The following TAFA5 variants were observed in gnomAD, a reference collection of about 807,000 sequenced individuals.
TAFA5 encodes the protein chemokine-like protein TAFA-5.
Under a neutral mutation model 15.3 loss-of-function variants are expected in TAFA5, and 6 were observed. The observed-to-expected ratio is 0.39, with a 90% CI of 0.21 to 0.77. The LOEUF (loss-of-function observed/expected upper bound fraction) is 0.77, where lower values mean the gene tolerates loss of function less well. TAFA5 is among the 30% of genes least tolerant of loss of function. The probability of loss-of-function intolerance (pLI) is 0.41; values close to 1 mark genes in which losing one functional copy is unlikely to be tolerated. For missense variants in TAFA5, 161 were observed against 193.1 expected, an observed-to-expected ratio of 0.83 and a Z score of 0.98; for synonymous variants, 103 against 80.7, an observed-to-expected ratio of 1.28 and a Z score of -1.48.
rs147408289 is a variant in TAFA5, at chr22:48,742,981, A to T, written c.391-6858A>T. Among the ~76,000 whole-genome samples, 215 of 152,276 alleles carry T rather than the reference A, an allele frequency of 1.4e-3. No individual in the cohort carries two copies. Among genetic ancestry groups the T allele is most frequent in the African/African-American group, 4.9e-3 (204 of 41,572 alleles). ...CAGCCCAGCCCTGGGACGCAGGCTC[A>T]GCAGCCCCCGGATTCCAGTCAACAT... is the stretch of plus-strand genomic sequence containing the variant. On this transcript the variant is annotated intron_variant, in intron 3 of 3. Coordinates refer to ENST00000402357, the MANE Select transcript of TAFA5 (RefSeq NM_001082967.3). This position sits in a 1 kb window ranked among gnomAD's most constrained non-coding sequence, Gnocchi z 6.2.
At chr22:48,653,157 G>A (rs180687992) in intron 2 of TAFA5, among the ~76,000 whole-genome samples, 51 of 152,308 alleles carry the variant, frequency 3.3e-4, no homozygotes, top group Admixed American at 4.6e-4. Context: ...TGTTATAAAC[G>A]CTTGGCAAGC....
At chr22:48,670,606 G>T (rs1411847594) in intron 2 of TAFA5, among the ~76,000 whole-genome samples, 2 of 152,386 alleles carry the variant, frequency 1.3e-5, no homozygotes, top group Admixed American at 1.3e-4. Flanking sequence ...AGCAGTAGCC[G>T]CGTGGCCTGG....
intron 1 of TAFA5, among the ~76,000 whole-genome samples, chr22:48,553,505 G>T (rs780012102): frequency 2.0e-5 from 3 of 152,200 alleles, no homozygotes; most frequent in Admixed American, 6.5e-5. Flanking sequence ...GGGGAGACCT[G>T]CACCAGGGAC....
intron 1 of TAFA5, among the ~76,000 whole-genome samples, chr22:48,637,404 G>A (rs12484933): frequency 2.0e-5 from 3 of 152,254 alleles, no homozygotes; most frequent in Admixed American, 6.5e-5. Context: ...GTTCGAAAGC[G>A]GTTCCTGCTA....
At chr22:48,546,681 T>TG (rs1457350610) in intron 1 of TAFA5, 5 of 451,196 alleles carry the variant, frequency 1.1e-5, no homozygotes, top group Non-Finnish European at 1.9e-5. Flanking sequence ...GTCCGCAGGA[T>TG]GGGGGGCTCA....
At chr22:48,541,548 G>T (rs1922373980) in intron 1 of TAFA5, among the ~76,000 whole-genome samples, 1 of 152,196 alleles carries the variant, frequency 6.6e-6, no homozygotes, top group Admixed American at 6.5e-5. Flanking sequence ...GGTGTGAGGA[G>T]CCCAGGCACA....
intron 1 of TAFA5, chr22:48,546,532 C>A: frequency 2.1e-6 from 1 of 471,154 alleles, no homozygotes; most frequent in Non-Finnish European, 4.4e-6. Flanking sequence ...CAGCCCGCGG[C>A]TGTGGGATGA....
At position 48,587,880 on chromosome 22, in the gene TAFA5, CAG is replaced by C. The variant is rs1924419777; in HGVS notation, c.113-58716_113-58715del. On this transcript the variant is annotated intron_variant, in intron 1 of 3. Transcript: ENST00000402357. ...GCAGAGGCGGCCTTCTGCCTGCCCTCAGGGGCTCCTGAACTTCCCAGAAGCAG... is the reference window on the plus strand; with the variant it reads ...GCAGAGGCGGCCTTCTGCCTGCCCTCGGGCTCCTGAACTTCCCAGAAGCAG... Among the ~76,000 whole-genome samples the C allele has an allele frequency of 5.2e-5, 8 of 152,392 alleles. No individual in the cohort carries two copies. The South Asian group carries it at 1.7e-3, about 32-fold the overall frequency.
intron 1 of TAFA5, among the ~76,000 whole-genome samples, chr22:48,516,371 C>A (rs1921406194): frequency 6.6e-6 from 1 of 152,138 alleles, no homozygotes; most frequent in African/African-American, 2.4e-5. Flanking sequence ...GATTCCCATT[C>A]CCCTGTCACC....
chr22:48,591,837 C>T (rs1195718349), intron 1 of TAFA5, among the ~76,000 whole-genome samples: 9 of 152,198 alleles, frequency 5.9e-5, no homozygotes, highest in Admixed American at 5.9e-4. Flanking sequence ...GGTCCAGCCC[C>T]TCCCGACCTC....
chr22:48,675,493 G>C (rs1601662454), intron 2 of TAFA5, among the ~76,000 whole-genome samples: 1 of 152,232 alleles, frequency 6.6e-6, no homozygotes, highest in African/African-American at 2.4e-5. Flanking sequence ...GCATATTCCT[G>C]TTATCAGGGC....
At position 48,707,663 on chromosome 22, in the gene TAFA5, C is replaced by A. The variant is rs1447779452; in HGVS notation, c.263-54C>A. Reference sequence around the variant, plus strand: ...CAGGACCCAGGTGCCCTCAGCAACACCCTCACGATCCATGAGAGTAGCACG... The same window carrying A: ...CAGGACCCAGGTGCCCTCAGCAACAACCTCACGATCCATGAGAGTAGCACG... On this transcript the variant is annotated intron_variant, in intron 2 of 3. Transcript: ENST00000402357. 3.1e-6 allele frequency: 5 copies of A among 1,591,056 alleles called. No individual in the cohort carries two copies. The East Asian group carries it at 9.0e-5, about 29-fold the overall frequency.
chr22:48,743,931 G>T (rs763028766), intron 3 of TAFA5, among the ~76,000 whole-genome samples: 5 of 152,248 alleles, frequency 3.3e-5, no homozygotes, highest in Non-Finnish European at 7.3e-5. Flanking sequence ...GGGGCACTGT[G>T]TCTGGCTTCA....
chr22:48,586,857 G>A (rs1182250273), intron 1 of TAFA5, among the ~76,000 whole-genome samples: 1 of 152,244 alleles, frequency 6.6e-6, no homozygotes, highest in Non-Finnish European at 1.5e-5. Context: ...GAGGCAGGGA[G>A]GGAGGCCTGC....
intron 1 of TAFA5, among the ~76,000 whole-genome samples, chr22:48,556,462 A>G (rs1040144176): frequency 2.0e-5 from 3 of 152,266 alleles, no homozygotes; most frequent in Admixed American, 6.5e-5. Flanking sequence ...TAAGCTGCAC[A>G]TAATTAATAG....
At chr22:48,599,043 C>T (rs1038341487) in intron 1 of TAFA5, among the ~76,000 whole-genome samples, 9 of 152,158 alleles carry the variant, frequency 5.9e-5, no homozygotes, top group Non-Finnish European at 1.2e-4. Flanking sequence ...GCCCCCATGT[C>T]CTCTCTGGGC....
intron 3 of TAFA5, among the ~76,000 whole-genome samples, chr22:48,720,920 A>G (rs1296586038): frequency 1.3e-5 from 2 of 152,136 alleles, no homozygotes; most frequent in Non-Finnish European, 2.9e-5. Context: ...ATCCCAGAAT[A>G]GGCACTTCTT....
At chr22:48,582,963 C>CACACCACACACAAAAT in intron 1 of TAFA5, among the ~76,000 whole-genome samples, 2 of 149,444 alleles carry the variant, frequency 1.3e-5, no homozygotes, top group Non-Finnish European at 3.0e-5. Flanking sequence ...ACACACACCA[C>CACACCACACACAAAAT]ACACCACACA....
intron 1 of TAFA5, among the ~76,000 whole-genome samples, chr22:48,529,348 AG>A (rs1326292236): frequency 1.0e-5 from 1 of 100,296 alleles, no homozygotes; most frequent in Non-Finnish European, 2.0e-5. Flanking sequence ...TCCAGGCAGG[AG>A]ATGAGGGTGT....
Sources: allele counts gnomAD v4.1 joint callset (sites outside exome capture counted in the v4.1 genomes callset), GRCh38; gene constraint gnomAD v4.1.1; non-coding constraint Gnocchi (gnomAD v3.1); transcripts MANE v1.5; gene names NCBI Gene and HGNC (gene_info 2026-07-23, HGNC 2026-07-21).